The following GPATCH11 variants were observed in gnomAD, a reference collection of about 807,000 sequenced individuals.
GPATCH11 encodes the protein G patch domain-containing protein 11.
A neutral mutation model predicts 44.8 loss-of-function variants in GPATCH11; 32 were observed. That is an observed-to-expected ratio of 0.71 (90% confidence interval 0.54 to 0.96). GPATCH11 has a LOEUF of 0.96. GPATCH11 is among the 40% of genes least tolerant of loss of function. The pLI is 0.00. For missense variants in GPATCH11, 324 were observed against 303.1 expected (o/e 1.07, Z -0.51); for synonymous variants, 84 against 94.4 (o/e 0.89, Z 0.64).
rs767593382 is a variant in GPATCH11, at chr2:37,096,313, G to T, written c.*50G>T. The stretch of plus-strand genomic sequence containing the variant: ...TTGAAAAATGTTATTACTTCCTAGG[G>T]ATAGACAATTTAGCAGTTGGAAATC... On this transcript the variant is annotated 3_prime_UTR_variant, in exon 9 of 9. Coordinates refer to ENST00000674370, the MANE Select transcript of GPATCH11 (RefSeq NM_174931.4). The T allele has an allele frequency of 8.4e-7, 1 of 1,191,078 alleles. No homozygotes were observed. The highest frequency in any genetic ancestry group is 2.5e-5 in the East Asian group (1 of 39,964). 73.8% of individuals were successfully genotyped at this position (1,191,078 alleles called of 1,614,324 possible). A position where few individuals can be genotyped will look rare whatever the true frequency, so the allele number is the denominator to read the frequency against.
chr2:37,088,740 T>TC (rs1285761489), intron 2 of GPATCH11, among the ~76,000 whole-genome samples: 1 of 152,156 alleles, frequency 6.6e-6, no homozygotes, highest in Non-Finnish European at 1.5e-5. Context: ...AAGGCTGGTC[T>TC]CCAACTCCTG....
chr2:37,088,455 A>ACACC lies in GPATCH11; in HGVS notation c.59+18_59+21dup. 1 of 1,299,772 alleles carries ACACC rather than the reference A, an allele frequency of 7.7e-7. No individual in the cohort carries two copies. The highest frequency in any genetic ancestry group is 1.1e-6 in the Non-Finnish European group (1 of 903,484). 80.5% of individuals were successfully genotyped at this position (1,299,772 alleles called of 1,614,324 possible). ...ATTAATGTCCAGTAAGTAAATGTGCACACCCAGTGCAATGATATGTATAAG... is the reference window on the plus strand; with the variant it reads ...ATTAATGTCCAGTAAGTAAATGTGCACACCCACCCAGTGCAATGATATGTATAAG... On this transcript the variant is annotated intron_variant, in intron 2 of 8. Coordinates refer to ENST00000674370, the MANE Select transcript of GPATCH11 (RefSeq NM_174931.4).
chr2:37,084,797 C>T (rs79835772), intron 1 of GPATCH11, among the ~76,000 whole-genome samples: 175 of 152,250 alleles, frequency 1.1e-3, no homozygotes, highest in Non-Finnish European at 2.0e-3. Flanking sequence ...ACTGTAGGTC[C>T]ATTTCTCCAC....
Position 37,090,672 on chromosome 2 carries a change from C to T in GPATCH11, c.287-9C>T. 2.1e-6 allele frequency: 3 copies of T among 1,455,412 alleles called. No homozygotes were observed. Among genetic ancestry groups the T allele is most frequent in the Non-Finnish European group, 2.8e-6 (3 of 1,064,982 alleles). The allele number at this position is 1,455,412 out of a possible 1,614,324, so 90.2% of individuals were successfully genotyped here. On this transcript the variant is annotated splice_polypyrimidine_tract_variant and intron_variant, in intron 3 of 8. Transcript: ENST00000674370. ...TTTTCTAAAATAGTTTGTATTCATT[C>T]TCTTTAAGGGGGTGGTATTGTTGAA...
Position 37,098,650 on chromosome 2 carries a change from A to C in GPATCH11, c.*2387A>C, listed in dbSNP as rs1410520862. 2.6e-5 allele frequency: 4 copies of C among 152,288 alleles called. No homozygotes were observed. Among genetic ancestry groups the C allele is most frequent in the Non-Finnish European group, 4.4e-5 (3 of 68,084 alleles). The allele number at this position is 152,288 out of a possible 1,614,324, so 9.4% of individuals were successfully genotyped here. On this transcript the variant is annotated 3_prime_UTR_variant, in exon 9 of 9. Coordinates refer to ENST00000674370, the MANE Select transcript of GPATCH11 (RefSeq NM_174931.4). ...TGCCAGGATAACACTGATGGAACCC[A>C]TGACTTCACCAGGATTGTGGTCTAC... is the stretch of plus-strand genomic sequence containing the variant.
intron 6 of GPATCH11, among the ~76,000 whole-genome samples, chr2:37,093,008 T>TAAAAAAAAAAAAAATA (rs1428017545): frequency 7.2e-5 from 11 of 152,058 alleles, no homozygotes; most frequent in Non-Finnish European, 1.5e-4. Flanking sequence ...TAGCTGCATG[T>TAAAAAAAAAAAAAATA]GGTGGCACAC....
rs1037039375 is a variant in GPATCH11 at position 37,097,704 on chromosome 2, A to C, written c.*1441A>C. On this transcript the variant is annotated 3_prime_UTR_variant, in exon 9 of 9. Coordinates refer to ENST00000674370, the MANE Select transcript of GPATCH11 (RefSeq NM_174931.4). ...ATTAACCTACACTTGCTAGGGTAAG[A>C]TAATCAGTAGTACAATTTGTATTAA... The C allele has an allele frequency of 7.2e-5, 11 of 152,240 alleles. No individual in the cohort carries two copies. Among genetic ancestry groups the C allele is most frequent in the Non-Finnish European group, 1.6e-4 (11 of 68,040 alleles). 9.4% of individuals were successfully genotyped at this position (152,240 alleles called of 1,614,324 possible). A position where few individuals can be genotyped will look rare whatever the true frequency, so the allele number is the denominator to read the frequency against.
intron 6 of GPATCH11, among the ~76,000 whole-genome samples, chr2:37,093,075 G>T (rs2148645307): frequency 6.6e-6 from 1 of 152,324 alleles, no homozygotes; most frequent in African/African-American, 2.4e-5. Context: ...GAGCCCAGAA[G>T]GTTGAGGTTG....
chr2:37,094,071 T>G lies in GPATCH11; in HGVS notation c.541-11T>G. On this transcript the variant is annotated splice_polypyrimidine_tract_variant and intron_variant, in intron 6 of 8. Coordinates refer to ENST00000674370, the MANE Select transcript of GPATCH11 (RefSeq NM_174931.4). ...TAGTATGTTTAATTGAGACTACTTCTGCATTTTCAGAATATTCAGGTTCCC... is the reference window on the plus strand; with the variant it reads ...TAGTATGTTTAATTGAGACTACTTCGGCATTTTCAGAATATTCAGGTTCCC... The G allele has an allele frequency of 1.3e-6, 2 of 1,493,498 alleles. No individual in the cohort carries two copies. Among genetic ancestry groups the G allele is most frequent in the Non-Finnish European group, 9.3e-7 (1 of 1,078,860 alleles). The allele number at this position is 1,493,498 out of a possible 1,614,324, so 92.5% of individuals were successfully genotyped here.
chr2:37,089,762 A>C lies in GPATCH11; in HGVS notation c.182A>C (p.Glu61Ala), dbSNP rs1249766988. ...AAGAGTTTAAAAGAAGAAGAACAAGAAAGACGTGACATTGGGTTGAAGAAT... is the reference window on the plus strand; with the variant it reads ...AAGAGTTTAAAAGAAGAAGAACAAGCAAGACGTGACATTGGGTTGAAGAAT... Reference protein sequence around the residue: ...RQKSLKEEEQERRDIGLKNAL... With the variant: ...RQKSLKEEEQARRDIGLKNAL... The change falls in exon 3 of 9, where the codon GAA (glutamate) becomes GCA (alanine). Residue 61 changes from glutamate to alanine, a missense_variant. By Grantham distance (107) the Glu-to-Ala change is moderately radical (BLOSUM62 -1). Coordinates refer to ENST00000674370, the MANE Select transcript of GPATCH11 (RefSeq NM_174931.4). 1.9e-6 allele frequency: 3 copies of C among 1,551,984 alleles called. No homozygotes were observed. Among genetic ancestry groups the C allele is most frequent in the Non-Finnish European group, 8.7e-7 (1 of 1,147,052 alleles).
intron 7 of GPATCH11, among the ~76,000 whole-genome samples, chr2:37,094,942 C>CAA (rs200157191): frequency 2.3e-4 from 15 of 65,440 alleles, no homozygotes; most frequent in African/African-American, 4.0e-4. Context: ...CCCTGTCTCA[C>CAA]AAAAAAAAAA....
rs866789706 is a variant in GPATCH11, at chr2:37,088,812, G to A, written c.59+372G>A. ...GCTAGGATTACAGGCATGAACCACC[G>A]TGCCCAGCCTGACAGTGATTTTAAA... On this transcript the variant is annotated intron_variant, in intron 2 of 8. Transcript: ENST00000674370. 5.9e-5 allele frequency among the ~76,000 whole-genome samples: 9 copies of A among 152,260 alleles called. No homozygotes were observed. The South Asian group carries it at 1.5e-3, about 25-fold the overall frequency.
At chr2:37,090,633 T>C (rs1171800551) in intron 3 of GPATCH11, 48 bp from the exon 4 acceptor site, 2 of 1,050,200 alleles carry the variant, frequency 1.9e-6, no homozygotes, top group Non-Finnish European at 2.9e-6. Flanking sequence ...TACTGTTCTG[T>C]AGTTTGAGGA....
At chr2:37,087,900 C>T (rs547745493) in intron 1 of GPATCH11, among the ~76,000 whole-genome samples, 2 of 152,284 alleles carry the variant, frequency 1.3e-5, no homozygotes, top group African/African-American at 4.8e-5. Flanking sequence ...AGGCTAGTAA[C>T]GTGACCTGAC....
Position 37,097,937 on chromosome 2 carries a change from T to C in GPATCH11, c.*1674T>C, listed in dbSNP as rs1390257438. On this transcript the variant is annotated 3_prime_UTR_variant, in exon 9 of 9. Transcript: ENST00000674370. ...CTCAGTTCTTCATCCAGAAAACTAATCATTATTTTTATGAATGTAAATATG... is the reference window on the plus strand; with the variant it reads ...CTCAGTTCTTCATCCAGAAAACTAACCATTATTTTTATGAATGTAAATATG... 6.6e-6 allele frequency: 1 copy of C among 152,240 alleles called. No individual in the cohort carries two copies. The highest frequency in any genetic ancestry group is 1.5e-5 in the Non-Finnish European group (1 of 68,044). The allele number at this position is 152,240 out of a possible 1,614,324, so 9.4% of individuals were successfully genotyped here.
chr2:37,089,531 C>T (rs953846035), intron 2 of GPATCH11, 109 bp from the exon 3 acceptor site: 2 of 788,480 alleles, frequency 2.5e-6, no homozygotes, highest in Admixed American at 5.9e-5. Flanking sequence ...TATGCCATTG[C>T]ATTACAGCCC....
At position 37,090,726 on chromosome 2, in the gene GPATCH11, C is replaced by T. The variant is rs4670654; in HGVS notation, c.328+4C>T. The stretch of plus-strand genomic sequence containing the variant: ...ATTCCTCTCAATATCAAAACAGGTA[C>T]GTAATTATTTTGGAGCATATTTGCC... On this transcript the variant is annotated splice_donor_region_variant and intron_variant, in intron 4 of 8. Transcript: ENST00000674370. 0.99 allele frequency: 1,351,161 copies of T among 1,370,372 alleles called. 668,135 individuals carry two copies. Among genetic ancestry groups the T allele is most frequent in the East Asian group, 1 (39,710 of 39,710 alleles). The allele number at this position is 1,370,372 out of a possible 1,614,324, so 84.9% of individuals were successfully genotyped here.
chr2:37,094,560 T>C (rs1020535944), intron 7 of GPATCH11, among the ~76,000 whole-genome samples: 7 of 152,204 alleles, frequency 4.6e-5, no homozygotes, highest in African/African-American at 1.7e-4. Flanking sequence ...ATTATTTTAA[T>C]TTATACCTTA....
chr2:37,093,369 T>C (rs918569465), intron 6 of GPATCH11, among the ~76,000 whole-genome samples: 1 of 152,102 alleles, frequency 6.6e-6, no homozygotes, highest in African/African-American at 2.4e-5. Context: ...TGTCTTTGCT[T>C]TTATCTTAGT....
Sources: allele counts gnomAD v4.1 joint callset (sites outside exome capture counted in the v4.1 genomes callset), GRCh38; gene constraint gnomAD v4.1.1; transcripts MANE v1.5; gene names NCBI Gene and HGNC (gene_info 2026-07-23, HGNC 2026-07-21).